RNF214: variants seen among roughly 807,000 people sequenced by gnomAD.
The protein encoded by RNF214 is ring finger protein 214.
In RNF214, 25 loss-of-function variants were observed where a neutral mutation model predicts 75.9. The observed-to-expected ratio is 0.33, with a 90% CI of 0.24 to 0.46. RNF214 has a LOEUF of 0.46. RNF214 is among the 20% of genes least tolerant of loss of function. RNF214 has a pLI of 1.00. For missense variants in RNF214, 725 were observed against 857.5 expected, an observed-to-expected ratio of 0.85 and a Z score of 1.93; for synonymous variants, 314 against 308.8, an observed-to-expected ratio of 1.02 and a Z score of -0.18.
intron 5 of RNF214, among the ~76,000 whole-genome samples, chr11:117,245,339 T>A (rs1386672121): frequency 1.3e-5 from 2 of 149,214 alleles, no homozygotes; most frequent in Non-Finnish European, 3.0e-5. Flanking sequence ...TTAATACTCA[T>A]AGACTTTTTT....
At position 117,234,210 on chromosome 11, in the gene RNF214, T is replaced by G. The variant is rs1396317821; in HGVS notation, c.-6-57T>G. The G allele has an allele frequency of 4.0e-6, 5 of 1,249,404 alleles. No homozygotes were observed. In the East Asian group the frequency reaches 7.0e-5, roughly 17 times the overall value. The allele number at this position is 1,249,404 out of a possible 1,614,324, so 77.4% of individuals were successfully genotyped here. ...TGTGGACATTCTGAGGGGGGAGAGA[T>G]ACATTTGTTTTAAACTTTGGAAACT... On this transcript the variant is annotated intron_variant, in intron 1 of 14. Coordinates refer to ENST00000300650, the MANE Select transcript of RNF214 (RefSeq NM_207343.4).
chr11:117,233,400 G>T (rs950454622), intron 1 of RNF214, among the ~76,000 whole-genome samples: 3 of 152,152 alleles, frequency 2.0e-5, no homozygotes, highest in Non-Finnish European at 4.4e-5. Context: ...CTACCTATCT[G>T]CCCTATGCGC....
Position 117,263,607 on chromosome 11 carries a change from A to G in RNF214, c.960-16301A>G, listed in dbSNP as rs1471627066. Among the ~76,000 whole-genome samples the G allele has an allele frequency of 2.6e-5, 4 of 152,326 alleles. No individual in the cohort carries two copies. The East Asian group carries it at 7.7e-4, about 29-fold the overall frequency. The stretch of plus-strand genomic sequence containing the variant: ...ATTTTAATTATGTGTGCATGCGTGC[A>G]TACGTAGGAGTCCCACAAAAATATC... On this transcript the variant is annotated intron_variant, in intron 6 of 14. Transcript: ENST00000300650.
At chr11:117,243,511 T>G (rs2033135161) in intron 4 of RNF214, among the ~76,000 whole-genome samples, 1 of 152,258 alleles carries the variant, frequency 6.6e-6, no homozygotes, top group Non-Finnish European at 1.5e-5. Context: ...AAATTTTTTT[T>G]CTTTGAAAAT....
intron 3 of RNF214, 90 bp downstream of exon 3, chr11:117,239,201 TGCTG>T: frequency 7.3e-7 from 1 of 1,379,270 alleles, no homozygotes; most frequent in Non-Finnish European, 9.8e-7. Flanking sequence ...GTGGAGAACT[TGCTG>T]GCTTGTTTTG....
chr11:117,240,083 T>C (rs1051646787), intron 4 of RNF214, among the ~76,000 whole-genome samples: 1 of 151,754 alleles, frequency 6.6e-6, no homozygotes, highest in African/African-American at 2.4e-5. Flanking sequence ...CCAGGCACAG[T>C]GGCTCACACC....
intron 6 of RNF214, among the ~76,000 whole-genome samples, chr11:117,278,871 A>G (rs1256927943): frequency 1.3e-5 from 2 of 152,204 alleles, no homozygotes; most frequent in African/African-American, 4.8e-5. Flanking sequence ...TGGCAGGATC[A>G]CTTGATCCCA....
intron 4 of RNF214, among the ~76,000 whole-genome samples, chr11:117,242,657 A>G (rs2033110395): frequency 6.6e-6 from 1 of 152,238 alleles, no homozygotes; most frequent in African/African-American, 2.4e-5. Flanking sequence ...GTTCAAGACC[A>G]GCCTGGCCAA....
intron 6 of RNF214, among the ~76,000 whole-genome samples, chr11:117,248,928 C>T (rs1464190399): frequency 1.3e-5 from 2 of 151,838 alleles, no homozygotes; most frequent in African/African-American, 2.4e-5. Flanking sequence ...GTGTTCTTTA[C>T]ATTCTTTTTT....
intron 6 of RNF214, chr11:117,263,907 A>AG (rs2033736979): frequency 3.8e-6 from 1 of 260,756 alleles, no homozygotes; most frequent in Non-Finnish European, 7.5e-6. Flanking sequence ...TCAGTTTAGG[A>AG]GGACTGTCTT....
At chr11:117,260,456 A>C (rs1227532916) in intron 6 of RNF214, among the ~76,000 whole-genome samples, 1 of 152,160 alleles carries the variant, frequency 6.6e-6, no homozygotes, top group Non-Finnish European at 1.5e-5. Flanking sequence ...ACTTGTATGA[A>C]TAGTAGGTGT....
At chr11:117,243,845 G>A (rs930271534) in intron 4 of RNF214, among the ~76,000 whole-genome samples, 1 of 152,154 alleles carries the variant, frequency 6.6e-6, no homozygotes, top group Non-Finnish European at 1.5e-5. Flanking sequence ...TGGAGCCACC[G>A]TGCCTTGCCT....
rs1304930136 is a variant in RNF214, at chr11:117,233,461, A to T, written c.-7+735A>T. On this transcript the variant is annotated intron_variant, in intron 1 of 14. Transcript: ENST00000300650. ...GTGTGATGCTGTTAAAATAAAAGCA[A>T]GAATGCAAACTAACCCGATGTTCAT... is the stretch of plus-strand genomic sequence containing the variant. 2.6e-5 allele frequency among the ~76,000 whole-genome samples: 4 copies of T among 152,330 alleles called. No individual in the cohort carries two copies. The East Asian group carries it at 7.7e-4, about 29-fold the overall frequency.
At chr11:117,250,426 A>G (rs2033340455) in intron 6 of RNF214, among the ~76,000 whole-genome samples, 1 of 152,038 alleles carries the variant, frequency 6.6e-6, no homozygotes, top group Non-Finnish European at 1.5e-5. Context: ...TTAAAAAAAT[A>G]TTTTACATGT....
intron 13 of RNF214, 86 bp from the exon 14 acceptor site, chr11:117,283,029 C>A: frequency 5.6e-6 from 6 of 1,076,826 alleles, no homozygotes; most frequent in Non-Finnish European, 8.4e-6. Context: ...TGATATAAAT[C>A]TTTTTGCTGC....
At position 117,254,654 on chromosome 11, in the gene RNF214, C is replaced by T. The variant is rs182078699; in HGVS notation, c.959+7706C>T. Among the ~76,000 whole-genome samples, 7 of 151,476 alleles carry T rather than the reference C, an allele frequency of 4.6e-5. No individual in the cohort carries two copies. The East Asian group carries it at 5.8e-4, about 13-fold the overall frequency. ...CTTTTTTTTTTTTGAGACAGAGTCT[C>T]GCTCTGTCACCCAGGCTGGAGTCCA... On this transcript the variant is annotated intron_variant, in intron 6 of 14. Coordinates refer to ENST00000300650, the MANE Select transcript of RNF214 (RefSeq NM_207343.4).
intron 4 of RNF214, among the ~76,000 whole-genome samples, chr11:117,242,360 AG>A (rs2033103620): frequency 6.6e-6 from 1 of 152,224 alleles, no homozygotes; most frequent in Non-Finnish European, 1.5e-5. Flanking sequence ...TACGGAAAAA[AG>A]TTACTGGTGT....
chr11:117,253,396 C>G (rs1395426010), intron 6 of RNF214, among the ~76,000 whole-genome samples: 2 of 152,214 alleles, frequency 1.3e-5, no homozygotes, highest in Admixed American at 1.3e-4. Context: ...GGACACCTGG[C>G]TGCTTTGTCC....
chr11:117,272,794 A>G (rs1429355908), intron 6 of RNF214, among the ~76,000 whole-genome samples: 3 of 152,062 alleles, frequency 2.0e-5, no homozygotes, highest in Non-Finnish European at 4.4e-5. Flanking sequence ...GCTAAAAATT[A>G]TCCATGTGGG....
Sources: allele counts gnomAD v4.1 joint callset (sites outside exome capture counted in the v4.1 genomes callset), GRCh38; gene constraint gnomAD v4.1.1; transcripts MANE v1.5; gene names NCBI Gene and HGNC (gene_info 2026-07-23, HGNC 2026-07-21).